SPECC1: variants seen among roughly 807,000 people sequenced by gnomAD.
SPECC1 encodes cytospin-B.
In SPECC1, 62 loss-of-function variants were observed where a neutral mutation model predicts 104.1. That is an observed-to-expected ratio of 0.60 (90% CI 0.49 to 0.74). The LOEUF (loss-of-function observed/expected upper bound fraction) is 0.74. SPECC1 is among the 30% of genes least tolerant of loss of function. The pLI is 0.00. For missense variants in SPECC1, 1,306 were observed against 1,310.5 expected, an observed-to-expected ratio of 1.00 and a Z score of 0.05; for synonymous variants, 513 against 501.6, an observed-to-expected ratio of 1.02 and a Z score of -0.30.
chr17:20,250,474 T>C (rs959452356), intron 9 of SPECC1, among the ~76,000 whole-genome samples: 1 of 152,244 alleles, frequency 6.6e-6, no homozygotes, highest in Non-Finnish European at 1.5e-5. Flanking sequence ...GAGAATATTA[T>C]ATATTACTAC....
At chr17:20,266,592 T>C (rs1248012819) in intron 12 of SPECC1, among the ~76,000 whole-genome samples, 1 of 152,088 alleles carries the variant, frequency 6.6e-6, no homozygotes, top group South Asian at 2.1e-4. Flanking sequence ...TCAAAAAATA[T>C]ATATATATAT....
chr17:20,309,478 T>A (rs1229622472), intron 14 of SPECC1, among the ~76,000 whole-genome samples: 1 of 152,216 alleles, frequency 6.6e-6, no homozygotes, highest in Non-Finnish European at 1.5e-5. Flanking sequence ...TGCTGAGGTT[T>A]GGGATATGAG....
At chr17:20,266,304 C>A (rs982021002) in intron 12 of SPECC1, among the ~76,000 whole-genome samples, 5 of 152,196 alleles carry the variant, frequency 3.3e-5, no homozygotes, top group African/African-American at 1.2e-4. Flanking sequence ...GTGCTGGGGG[C>A]CGGGCGCGGT....
At chr17:20,106,693 C>T (rs1597715133) in intron 2 of SPECC1, among the ~76,000 whole-genome samples, 2 of 152,160 alleles carry the variant, frequency 1.3e-5, no homozygotes, top group Non-Finnish European at 1.5e-5. Context: ...TTTGCTCCTC[C>T]TTTGCTTTCC....
rs141340458 is a variant in SPECC1 at position 20,260,263 on chromosome 17, A to G, written c.2909A>G (p.Lys970Arg). 1.2e-5 allele frequency: 20 copies of G among 1,614,016 alleles called. No homozygotes were observed. The African/African-American group carries it at 2.7e-4, about 22-fold the overall frequency. The change falls in exon 12 of 15, where the codon AAA (lysine) becomes AGA (arginine). Residue 970 changes from lysine (K) to arginine (R), a missense_variant. Lys to Arg is a conservative substitution (Grantham distance 26, BLOSUM62 2). Coordinates refer to ENST00000395527, the MANE Select transcript of SPECC1 (RefSeq NM_001243439.2). ...YGGSKRNALL[K>R]WCQKKTQGYA... is the part of the protein sequence containing the mutation. ...GGTTCCAAGCGCAATGCTCTACTGA[A>G]ATGGTGCCAGAAGAAGACACAAGGT...
At chr17:20,245,337 A>G (rs1349896026) in intron 7 of SPECC1, among the ~76,000 whole-genome samples, 2 of 152,166 alleles carry the variant, frequency 1.3e-5, no homozygotes, top group African/African-American at 4.8e-5. Flanking sequence ...TGCCAGCACC[A>G]TAGCATCTTG....
chr17:20,250,886 A>AC (rs11368410), intron 9 of SPECC1, among the ~76,000 whole-genome samples: 107,029 of 151,336 alleles, frequency 0.71, 39,625 homozygotes, highest in East Asian at 0.99. Context: ...AAGGTGGTTA[A>AC]TATTGAAGCC....
intron 1 of SPECC1, among the ~76,000 whole-genome samples, chr17:20,072,835 C>A (rs1387204754): frequency 6.6e-6 from 1 of 152,120 alleles, no homozygotes; most frequent in South Asian, 2.1e-4. Flanking sequence ...TAGCCCAGGC[C>A]CGCTGATAGA....
intron 3 of SPECC1, among the ~76,000 whole-genome samples, chr17:20,146,426 A>C (rs1309955788): frequency 2.0e-5 from 3 of 152,144 alleles, no homozygotes; most frequent in African/African-American, 4.8e-5. Context: ...CATTATATGG[A>C]TGTACCACAG....
At chr17:20,301,318 T>A (rs2041571396) in intron 13 of SPECC1, among the ~76,000 whole-genome samples, 1 of 151,906 alleles carries the variant, frequency 6.6e-6, no homozygotes, top group African/African-American at 2.4e-5. Flanking sequence ...TGGATGTGAA[T>A]ACAGCACATA....
intron 12 of SPECC1, among the ~76,000 whole-genome samples, chr17:20,273,126 G>A (rs1453558692): frequency 6.6e-6 from 1 of 152,224 alleles, no homozygotes; most frequent in Non-Finnish European, 1.5e-5. Flanking sequence ...TCCAGAGAAA[G>A]GCCTTCTAGT....
chr17:20,040,456 C>T (rs562668471), intron 1 of SPECC1, among the ~76,000 whole-genome samples: 2 of 152,210 alleles, frequency 1.3e-5, no homozygotes, highest in South Asian at 4.2e-4. Context: ...TTCCTTCTTT[C>T]ATCATTTTTT....
intron 3 of SPECC1, 80 bp from the exon 4 acceptor site, chr17:20,204,253 A>T: frequency 6.7e-7 from 1 of 1,496,276 alleles, no homozygotes; most frequent in Non-Finnish European, 9.0e-7. Context: ...CCACTGTGCC[A>T]TGTGATTTAC....
chr17:20,228,340 A>G (rs1015782822), intron 5 of SPECC1, among the ~76,000 whole-genome samples: 17 of 152,130 alleles, frequency 1.1e-4, no homozygotes, highest in Admixed American at 1.1e-3. Flanking sequence ...GGTGTGAGCC[A>G]CCGTATTGAG....
chr17:20,014,510 T>G (rs896431019), intron 1 of SPECC1, among the ~76,000 whole-genome samples: 1 of 152,208 alleles, frequency 6.6e-6, no homozygotes, highest in East Asian at 1.9e-4. Flanking sequence ...ATGGTAAACT[T>G]TCTGAACCCT....
chr17:20,040,634 G>A (rs2045286211), intron 1 of SPECC1, among the ~76,000 whole-genome samples: 1 of 152,112 alleles, frequency 6.6e-6, no homozygotes, highest in African/African-American at 2.4e-5. Context: ...TTCAGCACTT[G>A]AAAACCATTG....
chr17:20,041,683 G>A lies in SPECC1; in HGVS notation c.-22+32259G>A, dbSNP rs1597603797. Among the ~76,000 whole-genome samples the A allele has an allele frequency of 1.3e-4, 18 of 138,022 alleles. No individual in the cohort carries two copies. In the South Asian group the frequency reaches 3.8e-3, roughly 29 times the overall value. 90.5% of individuals were successfully genotyped at this position (138,022 alleles called of 152,430 possible). A position where few individuals can be genotyped will look rare whatever the true frequency, so the allele number is the denominator to read the frequency against. ...TGCTCTGTTGCCCAGGCTGGAGTGC[G>A]GTGGTGCGATCTCGGCTCACTGCTC... On this transcript the variant is annotated intron_variant, in intron 1 of 14. Transcript: ENST00000395527.
chr17:20,187,208 C>T (rs914182470), intron 3 of SPECC1, among the ~76,000 whole-genome samples: 1 of 152,078 alleles, frequency 6.6e-6, no homozygotes, highest in Admixed American at 6.5e-5. Context: ...TCAACCCGTA[C>T]CAGTATACTA....
chr17:20,157,060 A>T (rs766340201), intron 3 of SPECC1, among the ~76,000 whole-genome samples: 1 of 151,982 alleles, frequency 6.6e-6, no homozygotes, highest in Non-Finnish European at 1.5e-5. Flanking sequence ...AAGGCGTAAT[A>T]TTTGAATTTT....
Sources: allele counts gnomAD v4.1 joint callset (sites outside exome capture counted in the v4.1 genomes callset), GRCh38; gene constraint gnomAD v4.1.1; transcripts MANE v1.5; gene names NCBI Gene and HGNC (gene_info 2026-07-23, HGNC 2026-07-21).